Variants in CDKAL1 observed in about 807,000 individuals in gnomAD.
CDKAL1 encodes CDKAL1 threonylcarbamoyladenosine tRNA methylthiotransferase, also known as threonylcarbamoyladenosine tRNA methylthiotransferase.
In CDKAL1, 32 loss-of-function variants were observed where a neutral mutation model predicts 68.2. The observed-to-expected ratio is 0.47, with a 90% CI of 0.35 to 0.63. The LOEUF is 0.63. Ranked by LOEUF, CDKAL1 falls within the 30% of genes least tolerant of loss-of-function variation. CDKAL1 has a pLI of 0.00. For missense variants in CDKAL1, 606 were observed against 696.7 expected (o/e 0.87, Z 1.47); for synonymous variants, 234 against 244.3 (o/e 0.96, Z 0.39).
chr6:20,572,274 T>C lies in CDKAL1; in HGVS notation c.286+23569T>C, dbSNP rs542432505. Among the ~76,000 whole-genome samples the C allele has an allele frequency of 6.6e-5, 10 of 152,322 alleles. No individual in the cohort carries two copies. In the South Asian group the frequency reaches 2.1e-3, roughly 32 times the overall value. Reference sequence around the variant, plus strand: ...TAGAGGTTGGTTCTAGCCTGTCTAATGCTTAAGTTTCAAGGCTACCTGTAT... The same window carrying C: ...TAGAGGTTGGTTCTAGCCTGTCTAACGCTTAAGTTTCAAGGCTACCTGTAT... On this transcript the variant is annotated intron_variant, in intron 4 of 15. Transcript: ENST00000274695.
At chr6:20,974,978 C>CAAAAAAAAAA (rs11330322) in intron 10 of CDKAL1, among the ~76,000 whole-genome samples, 2 of 62,916 alleles carry the variant, frequency 3.2e-5, no homozygotes, top group African/African-American at 6.4e-5. Flanking sequence ...GACCCTATCT[C>CAAAAAAAAAA]AAAAAAAAAA....
intron 14 of CDKAL1, among the ~76,000 whole-genome samples, chr6:21,198,736 C>T (rs564528564): frequency 1.8e-4 from 27 of 152,310 alleles, no homozygotes; most frequent in Non-Finnish European, 3.1e-4. Flanking sequence ...TCCCTAGGGG[C>T]GCCCCCAATT....
chr6:20,698,889 G>C (rs116516282), intron 5 of CDKAL1, among the ~76,000 whole-genome samples: 230 of 152,062 alleles, frequency 1.5e-3, no homozygotes, highest in Admixed American at 3.9e-3. Flanking sequence ...ACTCACTTTG[G>C]GTGTTTAAGA....
At position 20,568,603 on chromosome 6, in the gene CDKAL1, C is replaced by T. The variant is rs1004070464; in HGVS notation, c.286+19898C>T. ...AAAAAAAATTAGCCGGGCGTGGTGGCGGGCGCCTGTAGTCCCAGCTGCTTG... is the reference window on the plus strand; with the variant it reads ...AAAAAAAATTAGCCGGGCGTGGTGGTGGGCGCCTGTAGTCCCAGCTGCTTG... On this transcript the variant is annotated intron_variant, in intron 4 of 15. Coordinates refer to ENST00000274695, the MANE Select transcript of CDKAL1 (RefSeq NM_017774.3). Among the ~76,000 whole-genome samples the T allele has an allele frequency of 4.4e-4, 66 of 151,612 alleles. 1 individual carries two copies. Among genetic ancestry groups the T allele is most frequent in the African/African-American group, 1.6e-3 (65 of 41,296 alleles).
At chr6:20,846,778 A>G (rs1195276388) in intron 9 of CDKAL1, among the ~76,000 whole-genome samples, 1 of 152,222 alleles carries the variant, frequency 6.6e-6, no homozygotes, top group Non-Finnish European at 1.5e-5. Flanking sequence ...GGTCTCTCTC[A>G]GCATATATAG....
intron 4 of CDKAL1, among the ~76,000 whole-genome samples, chr6:20,630,716 A>G (rs572720751): frequency 6.6e-6 from 1 of 152,330 alleles, no homozygotes; most frequent in South Asian, 2.1e-4. Flanking sequence ...GCAAATAGCT[A>G]GCATGGAATC....
At chr6:20,843,047 T>C (rs902706823) in intron 8 of CDKAL1, among the ~76,000 whole-genome samples, 1 of 152,196 alleles carries the variant, frequency 6.6e-6, no homozygotes, top group African/African-American at 2.4e-5. Flanking sequence ...TTTCCATCTT[T>C]ATTAAGTGAA....
intron 8 of CDKAL1, among the ~76,000 whole-genome samples, chr6:20,831,947 C>T (rs1777736969): frequency 6.6e-6 from 1 of 152,136 alleles, no homozygotes; most frequent in African/African-American, 2.4e-5. Flanking sequence ...TCATTGTCAA[C>T]TTCTGATCGC....
chr6:20,667,371 T>C (rs1331897973), intron 5 of CDKAL1, among the ~76,000 whole-genome samples: 1 of 152,188 alleles, frequency 6.6e-6, no homozygotes, highest in Admixed American at 6.5e-5. Flanking sequence ...AGTGTGGTAA[T>C]GCTTCTTTGT....
chr6:21,126,081 GTTTC>G (rs1464014098), intron 13 of CDKAL1, among the ~76,000 whole-genome samples: 2 of 152,216 alleles, frequency 1.3e-5, no homozygotes, highest in African/African-American at 2.4e-5. Flanking sequence ...TCTAGTATAT[GTTTC>G]TTTCACACAT....
chr6:21,054,901 A>C (rs2328567), intron 11 of CDKAL1, among the ~76,000 whole-genome samples: 44,241 of 114,186 alleles, frequency 0.39, 6,634 homozygotes, highest in Middle Eastern at 0.52. Flanking sequence ...TCACCTGCCC[A>C]AAAAAAAAAA....
At chr6:20,692,702 T>C (rs1770923085) in intron 5 of CDKAL1, among the ~76,000 whole-genome samples, 1 of 151,972 alleles carries the variant, frequency 6.6e-6, no homozygotes, top group Non-Finnish European at 1.5e-5. Flanking sequence ...CTTTTGAGGC[T>C]TCATTTAATA....
chr6:21,119,301 T>C (rs1486458858), intron 13 of CDKAL1, among the ~76,000 whole-genome samples: 1 of 152,220 alleles, frequency 6.6e-6, no homozygotes, highest in Non-Finnish European at 1.5e-5. Flanking sequence ...AAGTGCTCAA[T>C]AAATGACTAT....
chr6:20,914,014 G>C lies in CDKAL1; in HGVS notation c.743-41405G>C, dbSNP rs147658944. Among the ~76,000 whole-genome samples, 493 of 152,120 alleles carry C rather than the reference G, an allele frequency of 3.2e-3. 2 individuals carry two copies. The highest frequency in any genetic ancestry group is 0.011 in the African/African-American group (466 of 41,496). Reference sequence around the variant, plus strand: ...TCTTAAAAGAAAAACAACAGGCTGGGCATGGTGGCTCACGCCTGTGATCCC... The same window carrying C: ...TCTTAAAAGAAAAACAACAGGCTGGCCATGGTGGCTCACGCCTGTGATCCC... On this transcript the variant is annotated intron_variant, in intron 9 of 15. Transcript: ENST00000274695.
intron 9 of CDKAL1, among the ~76,000 whole-genome samples, chr6:20,931,527 C>T (rs1425774832): frequency 1.3e-5 from 2 of 152,248 alleles, no homozygotes; most frequent in South Asian, 2.1e-4. Context: ...AGGATTAAAG[C>T]GCAATTAAGT....
chr6:20,630,450 T>A (rs769678312), intron 4 of CDKAL1, among the ~76,000 whole-genome samples: 4 of 152,070 alleles, frequency 2.6e-5, no homozygotes, highest in Non-Finnish European at 5.9e-5. Context: ...TAAAAGGAAC[T>A]GCAGTCCCTC....
chr6:20,716,487 G>A (rs1303266992), intron 5 of CDKAL1, among the ~76,000 whole-genome samples: 1 of 152,044 alleles, frequency 6.6e-6, no homozygotes, highest in East Asian at 1.9e-4. Context: ...AGAAGGGCTT[G>A]GATTTGAATT....
chr6:20,907,155 G>T (rs1473111852), intron 9 of CDKAL1, among the ~76,000 whole-genome samples: 1 of 152,140 alleles, frequency 6.6e-6, no homozygotes, highest in African/African-American at 2.4e-5. Flanking sequence ...TTGATGGTTG[G>T]TGATGGTTGC....
intron 12 of CDKAL1, among the ~76,000 whole-genome samples, chr6:21,089,373 A>C (rs1352070698): frequency 6.6e-6 from 1 of 152,136 alleles, no homozygotes. Context: ...GCTACTCAGG[A>C]GGCTGAGGCA....
Sources: allele counts gnomAD v4.1 joint callset (sites outside exome capture counted in the v4.1 genomes callset), GRCh38; gene constraint gnomAD v4.1.1; transcripts MANE v1.5; gene names NCBI Gene and HGNC (gene_info 2026-07-23, HGNC 2026-07-21).